PHF21B: variants seen among roughly 807,000 people sequenced by gnomAD.
The protein encoded by PHF21B is PHD finger protein 21B.
PHF21B carries 22 observed loss-of-function variants against 62.2 expected under a neutral mutation model. The observed-to-expected ratio is 0.35, with a 90% CI of 0.25 to 0.51. PHF21B has a LOEUF of 0.51. Ranked by LOEUF, PHF21B falls within the 20% of genes least tolerant of loss-of-function variation. The probability of loss-of-function intolerance (pLI) is 0.97; values close to 1 mark genes in which losing one functional copy is unlikely to be tolerated. For synonymous variants in PHF21B, 341 were observed against 314.7 expected (o/e 1.08, Z -0.88); for missense variants, 701 against 707.9 (o/e 0.99, Z 0.11).
chr22:44,933,434 G>T, intron 2 of PHF21B: 1 of 983,068 alleles, frequency 1.0e-6, no homozygotes, highest in Non-Finnish European at 1.2e-6. Context: ...GAAGCCATTG[G>T]CACTGACTAA....
intron 2 of PHF21B, among the ~76,000 whole-genome samples, chr22:45,007,853 T>G (rs897415287): frequency 6.6e-6 from 1 of 150,868 alleles, no homozygotes; most frequent in Non-Finnish European, 1.5e-5. Context: ...CCCCGAGCGC[T>G]GAGCTCAGCG....
chr22:44,977,089 C>T (rs1318981328), intron 2 of PHF21B, among the ~76,000 whole-genome samples: 4 of 151,940 alleles, frequency 2.6e-5, no homozygotes, highest in Non-Finnish European at 5.9e-5. Flanking sequence ...CACTGCACTC[C>T]AGCCTGGATG....
intron 2 of PHF21B, among the ~76,000 whole-genome samples, chr22:44,978,155 T>C (rs1194824994): frequency 6.6e-6 from 1 of 152,164 alleles, no homozygotes; most frequent in Non-Finnish European, 1.5e-5. Context: ...GGGAAATACC[T>C]ACAAGTGGGA....
chr22:44,910,986 G>A (rs770261917), intron 5 of PHF21B, among the ~76,000 whole-genome samples: 4 of 152,220 alleles, frequency 2.6e-5, no homozygotes, highest in Non-Finnish European at 1.5e-5. Flanking sequence ...GGCTGAGGTG[G>A]TCTCAGATGG....
At chr22:44,936,089 T>G (rs2071840606) in intron 2 of PHF21B, among the ~76,000 whole-genome samples, 1 of 152,222 alleles carries the variant, frequency 6.6e-6, no homozygotes, top group African/African-American at 2.4e-5. Flanking sequence ...GCGGAAACAT[T>G]CCTTGTCCTC....
chr22:44,983,448 C>A (rs1413446442), intron 2 of PHF21B, among the ~76,000 whole-genome samples: 3 of 152,128 alleles, frequency 2.0e-5, no homozygotes, highest in African/African-American at 7.2e-5. Context: ...CATGAACCCC[C>A]ACTAGTGGCA....
intron 5 of PHF21B, among the ~76,000 whole-genome samples, chr22:44,904,418 G>T (rs1766446059): frequency 6.6e-6 from 1 of 152,102 alleles, no homozygotes. Flanking sequence ...GTTCTTTTAA[G>T]GATGGTCTGT....
chr22:44,926,220 C>T (rs558308123), intron 2 of PHF21B, among the ~76,000 whole-genome samples: 15 of 151,724 alleles, frequency 9.9e-5, no homozygotes, highest in South Asian at 2.1e-4. Flanking sequence ...AAGGCCCACA[C>T]GGCATGTGGG....
intron 2 of PHF21B, chr22:44,971,478 C>CT (rs2072637202): frequency 6.6e-6 from 1 of 152,260 alleles, no homozygotes; most frequent in South Asian, 2.1e-4. Context: ...GGGGTCTCCA[C>CT]TTTCCACTCT....
chr22:44,962,711 T>A (rs547354946), intron 2 of PHF21B, among the ~76,000 whole-genome samples: 3 of 152,232 alleles, frequency 2.0e-5, no homozygotes, highest in Non-Finnish European at 4.4e-5. Flanking sequence ...AGCGTCTTGC[T>A]CAGAGGGAAC....
chr22:44,884,232 G>C (rs1196901143), intron 12 of PHF21B, among the ~76,000 whole-genome samples: 22 of 96,776 alleles, frequency 2.3e-4, no homozygotes, highest in Non-Finnish European at 1.6e-4. Flanking sequence ...CACCACCACT[G>C]TGATCAGCAC....
In PHF21B at chr22:44,936,870, C is replaced by CTTTT. The variant is rs370585353; in HGVS notation, c.121-16384_121-16381dup. Among the ~76,000 whole-genome samples, 123 of 128,606 alleles carry CTTTT rather than the reference C, an allele frequency of 9.6e-4. 1 individual carries two copies. Among genetic ancestry groups the CTTTT allele is most frequent in the African/African-American group, 3.1e-3 (108 of 34,878 alleles). 84.4% of individuals were successfully genotyped at this position (128,606 alleles called of 152,430 possible). A position where few individuals can be genotyped will look rare whatever the true frequency, so the allele number is the denominator to read the frequency against. On this transcript the variant is annotated intron_variant, in intron 2 of 12. Transcript: ENST00000313237. ...AAAGTTGTGGACATCCACTTTCTTTCTTTTTTTTTTTTTTTTCCTGAGATG... is the reference window on the plus strand; with the variant it reads ...AAAGTTGTGGACATCCACTTTCTTTCTTTTTTTTTTTTTTTTTTTTCCTGAGATG...
chr22:44,974,616 G>A (rs948551882), intron 2 of PHF21B, among the ~76,000 whole-genome samples: 2 of 152,082 alleles, frequency 1.3e-5, no homozygotes, highest in African/African-American at 4.8e-5. Context: ...TCACTTCCGG[G>A]CCCTCGTCAC....
chr22:44,893,620 T>C (rs574199257), intron 6 of PHF21B, 87 bp from the exon 7 acceptor site: 2 of 1,290,396 alleles, frequency 1.5e-6, no homozygotes, highest in South Asian at 1.3e-5. Flanking sequence ...GGCACCACCA[T>C]CCCCTCCTGC....
intron 2 of PHF21B, among the ~76,000 whole-genome samples, chr22:44,973,171 C>G (rs918873168): frequency 6.6e-6 from 1 of 152,200 alleles, no homozygotes; most frequent in Non-Finnish European, 1.5e-5. Flanking sequence ...GCATTCCCTT[C>G]AGGTCCTCAG....
Position 44,980,068 on chromosome 22 carries a change from C to CA in PHF21B, c.120+28476dup, listed in dbSNP as rs71190605. Among the ~76,000 whole-genome samples, 14 of 57,214 alleles carry CA rather than the reference C, an allele frequency of 2.4e-4. No homozygotes were observed. The East Asian group carries it at 4.7e-3, about 19-fold the overall frequency. The allele number at this position is 57,214 out of a possible 152,430, so 37.5% of individuals were successfully genotyped here. ...TGGGCAACAGAGCAAGACTTCGTCT[C>CA]AAAAAAAAAAAAAAAAAAAAAAAAA... is the stretch of plus-strand genomic sequence containing the variant. On this transcript the variant is annotated intron_variant, in intron 2 of 12. Transcript: ENST00000313237.
intron 6 of PHF21B, among the ~76,000 whole-genome samples, chr22:44,895,330 C>A (rs1170569835): frequency 6.6e-6 from 1 of 152,116 alleles, no homozygotes; most frequent in Non-Finnish European, 1.5e-5. Flanking sequence ...CGTGAGATTG[C>A]CCTCATCATT....
chr22:44,990,535 A>G (rs1268960276), intron 2 of PHF21B, among the ~76,000 whole-genome samples: 2 of 152,258 alleles, frequency 1.3e-5, no homozygotes, highest in East Asian at 3.8e-4. Flanking sequence ...TACGCTGAGT[A>G]AGAGTATATT....
intron 6 of PHF21B, among the ~76,000 whole-genome samples, chr22:44,894,786 G>A (rs1316220890): frequency 2.0e-5 from 3 of 152,150 alleles, no homozygotes; most frequent in African/African-American, 7.2e-5. Context: ...AGACCCAGGG[G>A]ACATAAAGGG....
Sources: allele counts gnomAD v4.1 joint callset (sites outside exome capture counted in the v4.1 genomes callset), GRCh38; gene constraint gnomAD v4.1.1; transcripts MANE v1.5; gene names NCBI Gene and HGNC (gene_info 2026-07-23, HGNC 2026-07-21).